Variants in CSMD1 observed in about 807,000 individuals in gnomAD.
The protein encoded by CSMD1 is CUB and Sushi multiple domains 1.
In CSMD1, 213 loss-of-function variants were observed where a neutral mutation model predicts 417.5. The observed-to-expected ratio is 0.51, with a 90% CI of 0.46 to 0.57. The LOEUF is 0.57. Ranked by LOEUF, CSMD1 falls within the 20% of genes least tolerant of loss-of-function variation. The pLI is 0.00. For synonymous variants in CSMD1, 2,862 were observed against 1,736.8 expected (o/e 1.65, Z -16.11); for missense variants, 6,923 against 4,529.7 (o/e 1.53, Z -15.17).
At chr8:3,924,968 A>G (rs368323240) in intron 5 of CSMD1, among the ~76,000 whole-genome samples, 2 of 151,902 alleles carry the variant, frequency 1.3e-5, no homozygotes, top group African/African-American at 2.4e-5. Flanking sequence ...CTTTCTTAGC[A>G]TTTGAAGCAG....
At chr8:3,142,946 C>T (rs1818594788) in intron 40 of CSMD1, among the ~76,000 whole-genome samples, 1 of 151,970 alleles carries the variant, frequency 6.6e-6, no homozygotes, top group South Asian at 2.1e-4. Context: ...CACCGTACCA[C>T]AGAGCTACAC....
chr8:4,359,800 G>A (rs1382948849), intron 3 of CSMD1, among the ~76,000 whole-genome samples: 2 of 152,202 alleles, frequency 1.3e-5, no homozygotes, highest in Non-Finnish European at 1.5e-5. Flanking sequence ...AATGAGTACA[G>A]GCTAGTTGCA....
At chr8:3,459,515 G>C (rs1051677078) in intron 12 of CSMD1, among the ~76,000 whole-genome samples, 2 of 152,152 alleles carry the variant, frequency 1.3e-5, no homozygotes, top group South Asian at 4.1e-4. Flanking sequence ...CGGAGACACG[G>C]ATGAGAGCAG....
rs1020856217 is a variant in CSMD1 at position 3,596,230 on chromosome 8, G to A, written c.1098-9970C>T. ...CACCGCCCCGGCAGCCTGCACCACC[G>A]TCCAGCTCACACCTCCATCATGCAT... is the stretch of plus-strand genomic sequence containing the variant. On this transcript the variant is annotated intron_variant, in intron 8 of 69. Transcript: ENST00000635120. Among the ~76,000 whole-genome samples the A allele has an allele frequency of 9.2e-5, 14 of 152,242 alleles. No homozygotes were observed. The East Asian group carries it at 1.2e-3, about 13-fold the overall frequency.
chr8:3,012,595 CTTGCACCAGGATGGAAAACATA>C (rs755605886), intron 52 of CSMD1, among the ~76,000 whole-genome samples: 14 of 152,196 alleles, frequency 9.2e-5, no homozygotes, highest in Admixed American at 2.0e-4. Context: ...GTCAAAAAAT[CTTGCACCAGGATGGAAAACATA>C]TTGGACCTAA....
intron 1 of CSMD1, among the ~76,000 whole-genome samples, chr8:4,943,037 A>G (rs527981403): frequency 6.6e-6 from 1 of 152,322 alleles, no homozygotes; most frequent in African/African-American, 2.4e-5. Context: ...GAGGAAGACC[A>G]AATCAAGAAA....
chr8:3,377,911 CTCTT>C (rs760718710), intron 18 of CSMD1, among the ~76,000 whole-genome samples: 1 of 152,188 alleles, frequency 6.6e-6, no homozygotes, highest in Non-Finnish European at 1.5e-5. Flanking sequence ...ATCTCTCTCT[CTCTT>C]TCTATCTAAC....
chr8:2,996,221 AT>A (rs1053511223), intron 54 of CSMD1, among the ~76,000 whole-genome samples: 3 of 152,240 alleles, frequency 2.0e-5, no homozygotes, highest in South Asian at 2.1e-4. Context: ...TAACAAAAAA[AT>A]AACATACTGA....
At chr8:4,631,148 G>C (rs1374894557) in intron 2 of CSMD1, among the ~76,000 whole-genome samples, 2 of 152,096 alleles carry the variant, frequency 1.3e-5, no homozygotes, top group Admixed American at 1.3e-4. Flanking sequence ...GGATCACGAG[G>C]TCAGGAGTTC....
intron 11 of CSMD1, among the ~76,000 whole-genome samples, chr8:3,480,767 T>C (rs1817694904): frequency 6.6e-6 from 1 of 152,152 alleles, no homozygotes; most frequent in Admixed American, 6.5e-5. Context: ...AAGGAAGAAC[T>C]GACAACCACA....
chr8:4,914,562 C>T lies in CSMD1; in HGVS notation c.85+79770G>A, dbSNP rs191869561. Among the ~76,000 whole-genome samples the T allele has an allele frequency of 6.8e-3, 920 of 136,004 alleles. 7 individuals carry two copies. Among genetic ancestry groups the T allele is most frequent in the African/African-American group, 0.025 (880 of 35,428 alleles). The allele number at this position is 136,004 out of a possible 152,430, so 89.2% of individuals were successfully genotyped here. On this transcript the variant is annotated intron_variant, in intron 1 of 69. Coordinates refer to ENST00000635120, the MANE Select transcript of CSMD1 (RefSeq NM_033225.6). ...CACTGCACTCCAGCCTGGGAGACAG[C>T]GAGACTCCATCTCCCAAAAAGAAAA...
At chr8:3,835,008 C>G (rs1019965796) in intron 5 of CSMD1, among the ~76,000 whole-genome samples, 2 of 152,040 alleles carry the variant, frequency 1.3e-5, no homozygotes, top group African/African-American at 2.4e-5. Context: ...CAAGTCAAAA[C>G]CACAATGAGA....
intron 3 of CSMD1, among the ~76,000 whole-genome samples, chr8:4,254,468 T>C (rs1331834505): frequency 6.6e-6 from 1 of 152,160 alleles, no homozygotes; most frequent in Non-Finnish European, 1.5e-5. Context: ...ACATTGCAGC[T>C]GTCATAATGT....
At chr8:3,799,053 T>C (rs1295660753) in intron 5 of CSMD1, among the ~76,000 whole-genome samples, 1 of 152,086 alleles carries the variant, frequency 6.6e-6, no homozygotes, top group African/African-American at 2.4e-5. Flanking sequence ...TTGTATAGTA[T>C]GCTTAAATAA....
chr8:4,695,860 GC>G (rs1807092926), intron 1 of CSMD1, among the ~76,000 whole-genome samples: 1 of 152,112 alleles, frequency 6.6e-6, no homozygotes, highest in African/African-American at 2.4e-5. Flanking sequence ...TAGACTGGTG[GC>G]CCACCACTCT....
chr8:4,861,478 G>A (rs1000927884), intron 1 of CSMD1, among the ~76,000 whole-genome samples: 1 of 152,094 alleles, frequency 6.6e-6, no homozygotes, highest in Non-Finnish European at 1.5e-5. Flanking sequence ...AATCCTTTAT[G>A]TATGTTTGTA....
chr8:3,970,868 C>T (rs1469883298), intron 5 of CSMD1, among the ~76,000 whole-genome samples: 1 of 152,126 alleles, frequency 6.6e-6, no homozygotes, highest in Non-Finnish European at 1.5e-5. Context: ...TCTCCTGCCT[C>T]AGCCTCCTGA....
chr8:4,446,387 AAAC>A (rs1462960337), intron 2 of CSMD1, among the ~76,000 whole-genome samples: 1 of 152,006 alleles, frequency 6.6e-6, no homozygotes, highest in Non-Finnish European at 1.5e-5. Context: ...AACTCCATAA[AAAC>A]AAACAAAAGT....
At chr8:3,972,317 G>A (rs1476447349) in intron 5 of CSMD1, among the ~76,000 whole-genome samples, 1 of 152,146 alleles carries the variant, frequency 6.6e-6, no homozygotes, top group Non-Finnish European at 1.5e-5. Flanking sequence ...TAGAAATCCA[G>A]TTTTCCAAGA....
Sources: allele counts gnomAD v4.1 joint callset (sites outside exome capture counted in the v4.1 genomes callset), GRCh38; gene constraint gnomAD v4.1.1; transcripts MANE v1.5; gene names NCBI Gene and HGNC (gene_info 2026-07-23, HGNC 2026-07-21).